WDR86: variants seen among roughly 807,000 people sequenced by gnomAD.
WDR86 encodes WD repeat-containing protein 86.
A neutral mutation model predicts 36.5 loss-of-function variants in WDR86; 30 were observed. That is an observed-to-expected ratio of 0.82 (90% CI 0.61 to 1.11). The LOEUF is 1.11. Ranked by LOEUF, WDR86 falls within the 50% of genes most tolerant of loss-of-function variation. WDR86 has a pLI of 0.00. For synonymous variants in WDR86, 255 were observed against 252.9 expected, an observed-to-expected ratio of 1.01 and a Z score of -0.08; for missense variants, 545 against 561.2, an observed-to-expected ratio of 0.97 and a Z score of 0.29.
Position 151,409,211 on chromosome 7 carries a change from T to C in WDR86, c.163+216A>G. ...CACCCACCCGATCCCGGCCGCACCCTGCTCTGCACCCGCACCCCACCCCCA... is the reference window on the plus strand; with the variant it reads ...CACCCACCCGATCCCGGCCGCACCCCGCTCTGCACCCGCACCCCACCCCCA... On this transcript the variant is annotated intron_variant, in intron 1 of 5. Coordinates refer to ENST00000334493, the MANE Select transcript of WDR86 (RefSeq NM_198285.3). The surrounding 1 kb of genome is among the most constrained non-coding windows in gnomAD (Gnocchi z 5.2). 2.1e-6 allele frequency: 1 copy of C among 465,144 alleles called. No individual in the cohort carries two copies. 28.8% of individuals were successfully genotyped at this position (465,144 alleles called of 1,614,324 possible).
downstream of WDR86, chr7:151,376,684 G>C: frequency 1.2e-6 from 2 of 1,611,218 alleles, no homozygotes; most frequent in Non-Finnish European, 1.7e-6. Context: ...CGCTGAGAGT[G>C]TTCAGAGGCA....
chr7:151,403,477 A>C (rs1057043480), intron 1 of WDR86, among the ~76,000 whole-genome samples: 1 of 152,190 alleles, frequency 6.6e-6, no homozygotes, highest in Non-Finnish European at 1.5e-5. Context: ...TTTCAAGCCA[A>C]TTCACATCCA....
chr7:151,386,305 T>C (rs7787581), intron 3 of WDR86, among the ~76,000 whole-genome samples: 33,395 of 152,104 alleles, frequency 0.22, 4,041 homozygotes, highest in East Asian at 0.35. Flanking sequence ...AGGACAGAGC[T>C]TCCACGACCC....
Position 151,395,714 on chromosome 7 carries a change from C to T in WDR86, c.726+62G>A, listed in dbSNP as rs200949000. ...CGAATCACAGATACCCAGGGCAGGG[C>T]GGCAGTGCAGGGGGTGACCTGGGCT... On this transcript the variant is annotated intron_variant, in intron 3 of 5. Coordinates refer to ENST00000334493, the MANE Select transcript of WDR86 (RefSeq NM_198285.3). 4.5e-5 allele frequency: 66 copies of T among 1,476,094 alleles called. No homozygotes were observed. The East Asian group carries it at 4.5e-4, about 10-fold the overall frequency. The allele number at this position is 1,476,094 out of a possible 1,614,324, so 91.4% of individuals were successfully genotyped here.
In WDR86 at chr7:151,400,155, C is replaced by T. The variant is rs201516941; in HGVS notation, c.250G>A (p.Val84Met). ...SADCTIRRWD[V>M]LTGQCLQVYR... ...ACCTGCAGACACTGCCCGGTCAGCA[C>T]GTCCCACCTCCTGATGGTGCAGTCG... The change falls in exon 2 of 6, where the codon GTG (valine) becomes ATG (methionine). Residue 84 changes from valine (V) to methionine (M), a missense_variant. Transcript: ENST00000334493. 9.4e-4 allele frequency: 1,517 copies of T among 1,612,280 alleles called. 2 individuals are homozygous for T. The highest frequency in any genetic ancestry group is 1.1e-3 in the Non-Finnish European group (1,310 of 1,179,250).
chr7:151,407,626 G>A (rs998004122), intron 1 of WDR86, among the ~76,000 whole-genome samples: 1 of 152,142 alleles, frequency 6.6e-6, no homozygotes, highest in Non-Finnish European at 1.5e-5. Flanking sequence ...ATCACCTGAG[G>A]TCGGGAGTTC....
rs73727172 is a variant in WDR86, at chr7:151,408,126, G to A, written c.163+1301C>T. ...TATCCACACCAACTCCCAAGTAACC[G>A]GTAATCCAAAAGTCATCCCTGTTGG... On this transcript the variant is annotated intron_variant, in intron 1 of 5. Transcript: ENST00000334493. 3.9e-3 allele frequency among the ~76,000 whole-genome samples: 598 copies of A among 151,900 alleles called. 5 individuals are homozygous for A. The highest frequency in any genetic ancestry group is 0.014 in the African/African-American group (560 of 41,412).
At position 151,385,127 on chromosome 7, in the gene WDR86, T is replaced by C. The variant is rs1798871176; in HGVS notation, c.823A>G (p.Arg275Gly). Residue 275 changes from arginine to glycine, a missense_variant, in exon 4 of 6, where the codon AGA (arginine) becomes GGA (glycine). By Grantham distance (125) the Arg-to-Gly change is moderately radical. Transcript: ENST00000334493. ...GECVRTFTAH[R>G]RNVSALKYHA... ...TACTTGAGGGCGCTCACGTTGCGTC[T>C]GTGGGCCGTGAACGTGCGCACACAC... 1.9e-6 allele frequency: 3 copies of C among 1,612,286 alleles called. No individual in the cohort carries two copies. In the South Asian group the frequency reaches 3.3e-5, roughly 18 times the overall value.
At position 151,385,135 on chromosome 7, in the gene WDR86, G is replaced by A. The variant is rs766177920; in HGVS notation, c.815C>T (p.Thr272Met). The A allele has an allele frequency of 1.5e-5, 24 of 1,612,350 alleles. No individual in the cohort carries two copies. In the East Asian group the frequency reaches 2.9e-4, roughly 19 times the overall value. Residue 272 changes from threonine to methionine, a missense_variant, in exon 4 of 6, where the codon ACG (threonine) becomes ATG (methionine). Coordinates refer to ENST00000334493, the MANE Select transcript of WDR86 (RefSeq NM_198285.3). Reference sequence around the variant, plus strand: ...GGCGCTCACGTTGCGTCTGTGGGCCGTGAACGTGCGCACACACTCCCCTGT... The same window carrying A: ...GGCGCTCACGTTGCGTCTGTGGGCCATGAACGTGCGCACACACTCCCCTGT... Reference protein sequence around the residue: ...ADTGECVRTFTAHRRNVSALK... With the variant: ...ADTGECVRTFMAHRRNVSALK...
At chr7:151,398,093 G>T (rs73474467) in intron 2 of WDR86, among the ~76,000 whole-genome samples, 27,167 of 152,202 alleles carry the variant, frequency 0.18, 2,823 homozygotes, top group African/African-American at 0.28. Context: ...GTGTGTGTTT[G>T]TATATGTTGT....
upstream of WDR86, chr7:151,410,044 C>T (rs1801101265): frequency 1.0e-6 from 1 of 988,130 alleles, no homozygotes; most frequent in Admixed American, 6.1e-5. Context: ...ACGGTCCAGC[C>T]TGGCTCCTCC....
intron 2 of WDR86, among the ~76,000 whole-genome samples, chr7:151,398,346 C>T (rs12703132): frequency 0.69 from 105,275 of 151,652 alleles, 36,629 homozygotes; most frequent in East Asian, 0.81. Context: ...TGTATGAGTG[C>T]ATATGTATGT....
chr7:151,408,306 C>T (rs1216808405), intron 1 of WDR86, among the ~76,000 whole-genome samples: 1 of 150,732 alleles, frequency 6.6e-6, no homozygotes, highest in East Asian at 2.0e-4. Context: ...AAGTGATTCT[C>T]CTGCCTCAGC....
At chr7:151,387,686 G>A (rs985433052) in intron 3 of WDR86, among the ~76,000 whole-genome samples, 1 of 152,156 alleles carries the variant, frequency 6.6e-6, no homozygotes, top group African/African-American at 2.4e-5. Flanking sequence ...CTCCAAGGGA[G>A]CCCCGCAGGG....
In WDR86 at chr7:151,406,741, AAAC is replaced by A. The variant is rs1414252916; in HGVS notation, c.163+2683_163+2685del. 5.9e-5 allele frequency among the ~76,000 whole-genome samples: 9 copies of A among 152,130 alleles called. No individual in the cohort carries two copies. Among genetic ancestry groups the A allele is most frequent in the African/African-American group, 1.2e-4 (5 of 41,420 alleles). On this transcript the variant is annotated intron_variant, in intron 1 of 5. Coordinates refer to ENST00000334493, the MANE Select transcript of WDR86 (RefSeq NM_198285.3). The surrounding 1 kb of genome is among the most constrained non-coding windows in gnomAD (Gnocchi z 4.4). ...CACCCCATTATCGATGGTATCTAGA[AAAC>A]AACAAGAATGCCGTGTATGCTGCTC...
downstream of WDR86, chr7:151,377,108 A>G (rs1798335951): frequency 6.3e-7 from 1 of 1,584,258 alleles, no homozygotes; most frequent in Non-Finnish European, 8.6e-7. Context: ...AGATACTGGA[A>G]GACATTCCAG....
At position 151,381,991 on chromosome 7, in the gene WDR86, C is replaced by G. The variant is rs1406963777; in HGVS notation, c.863-10G>C. The G allele has an allele frequency of 6.3e-7, 1 of 1,589,740 alleles. No homozygotes were observed. Among genetic ancestry groups the G allele is most frequent in the Non-Finnish European group, 8.6e-7 (1 of 1,169,056 alleles). On this transcript the variant is annotated splice_polypyrimidine_tract_variant and intron_variant, in intron 4 of 5. Transcript: ENST00000334493. This position sits in a 1 kb window ranked among gnomAD's most constrained non-coding sequence, Gnocchi z 4.8. ...CCGCTGCCCGTGAACACTGCGGACA[C>G]ACAGCGCGCGCTGGGCCTCCCTCCC...
downstream of WDR86, among the ~76,000 whole-genome samples, chr7:151,379,677 G>T (rs956789261): frequency 6.6e-6 from 1 of 152,160 alleles, no homozygotes; most frequent in Non-Finnish European, 1.5e-5. Context: ...AATGTGTGTT[G>T]CTATAAAAAT....
In WDR86 at chr7:151,405,029, C is replaced by A. The variant is rs1031276173; in HGVS notation, c.163+4398G>T. Reference sequence around the variant, plus strand: ...GATGGCACTGCTGACCTGGTTTGCTCCAGCCCTTGTAGCACAAGGGTTATT... The same window carrying A: ...GATGGCACTGCTGACCTGGTTTGCTACAGCCCTTGTAGCACAAGGGTTATT... On this transcript the variant is annotated intron_variant, in intron 1 of 5. Coordinates refer to ENST00000334493, the MANE Select transcript of WDR86 (RefSeq NM_198285.3). This position sits in a 1 kb window ranked among gnomAD's most constrained non-coding sequence, Gnocchi z 4.7. Among the ~76,000 whole-genome samples, 1 of 152,208 alleles carries A rather than the reference C, an allele frequency of 6.6e-6. No homozygotes were observed. The highest frequency in any genetic ancestry group is 2.4e-5 in the African/African-American group (1 of 41,460).
Sources: allele counts gnomAD v4.1 joint callset (sites outside exome capture counted in the v4.1 genomes callset), GRCh38; gene constraint gnomAD v4.1.1; non-coding constraint Gnocchi (gnomAD v3.1); transcripts MANE v1.5; gene names NCBI Gene and HGNC (gene_info 2026-07-23, HGNC 2026-07-21).